The following PCDH7 variants were observed in gnomAD, a reference collection of about 807,000 sequenced individuals.
PCDH7 encodes protocadherin 7, also known as protocadherin-7.
Under a neutral mutation model 58.9 loss-of-function variants are expected in PCDH7, and 17 were observed. That is an observed-to-expected ratio of 0.29 (90% confidence interval 0.20 to 0.43). The LOEUF (loss-of-function observed/expected upper bound fraction) is 0.43, where lower values mean the gene tolerates loss of function less well. Among genes scored for constraint, PCDH7 ranks in the 20% least tolerant of loss-of-function variants. PCDH7 has a pLI of 1.00. For synonymous variants in PCDH7, 664 were observed against 616.4 expected (o/e 1.08, Z -1.14); for missense variants, 1,274 against 1,441.0 (o/e 0.88, Z 1.88).
At chr4:30,954,439 C>G (rs139754031) in intron 3 of PCDH7, among the ~76,000 whole-genome samples, 2 of 152,064 alleles carry the variant, frequency 1.3e-5, no homozygotes, top group Non-Finnish European at 2.9e-5. Context: ...CTGAACATTT[C>G]TTTGTACATT....
intron 3 of PCDH7, among the ~76,000 whole-genome samples, chr4:31,110,989 A>G (rs1716228451): frequency 6.6e-6 from 1 of 152,080 alleles, no homozygotes; most frequent in East Asian, 1.9e-4. Flanking sequence ...AATGTAGGAC[A>G]TTTTGCTACA....
At chr4:30,856,707 A>ATAT (rs1491499066) in intron 1 of PCDH7, among the ~76,000 whole-genome samples, 2 of 142,436 alleles carry the variant, frequency 1.4e-5, no homozygotes, top group Admixed American at 7.0e-5. Context: ...AAAAAAAAAA[A>ATAT]ATATATATAT....
At chr4:31,054,946 A>G (rs759657730) in intron 3 of PCDH7, among the ~76,000 whole-genome samples, 3 of 152,120 alleles carry the variant, frequency 2.0e-5, no homozygotes, top group Non-Finnish European at 2.9e-5. Context: ...ATCCCATTTC[A>G]TGTTATTTAC....
chr4:31,118,637 G>A (rs1364678927), intron 3 of PCDH7, among the ~76,000 whole-genome samples: 1 of 152,104 alleles, frequency 6.6e-6, no homozygotes, highest in Non-Finnish European at 1.5e-5. Flanking sequence ...TCAATTTAAA[G>A]CCATAATTTT....
intron 2 of PCDH7, among the ~76,000 whole-genome samples, chr4:30,927,463 T>C (rs1263036414): frequency 1.3e-5 from 2 of 151,702 alleles, no homozygotes; most frequent in African/African-American, 2.4e-5. Context: ...TTGCTGTGTC[T>C]GTGTAGAAAG....
rs150239634 is a variant in PCDH7 at position 31,026,240 on chromosome 4, A to G, written c.*7+76025A>G. Among the ~76,000 whole-genome samples the G allele has an allele frequency of 2.8e-4, 43 of 152,264 alleles. No homozygotes were observed. The East Asian group carries it at 7.7e-3, about 27-fold the overall frequency. On this transcript the variant is annotated intron_variant, in intron 3 of 3. Coordinates refer to the PCDH7 transcript ENST00000509759. ...AGTTCCTTCCAATTTTAGACATTTT[A>G]TTTGAATTATCTTTCTAAGTACAGT...
intron 1 of PCDH7, among the ~76,000 whole-genome samples, chr4:30,752,981 A>G (rs906727882): frequency 6.6e-6 from 1 of 152,164 alleles, no homozygotes; most frequent in Non-Finnish European, 1.5e-5. Context: ...ACACGGAAGC[A>G]TTTGAACTTG....
In PCDH7 at chr4:30,781,925, G is replaced by A. The variant is rs529477043; in HGVS notation, c.70+57329G>A. The stretch of plus-strand genomic sequence containing the variant: ...GAGTATAGTTCAAACGGCGCTAATG[G>A]CCTTTGTGTGTGTGTATACTCTAAC... On this transcript the variant is annotated intron_variant, in intron 1 of 3. Coordinates refer to the PCDH7 transcript ENST00000509759. Among the ~76,000 whole-genome samples the A allele has an allele frequency of 6.6e-5, 10 of 152,222 alleles. No homozygotes were observed. The East Asian group carries it at 1.9e-3, about 29-fold the overall frequency.
chr4:30,804,176 A>T (rs1466462517), intron 1 of PCDH7, among the ~76,000 whole-genome samples: 1 of 152,184 alleles, frequency 6.6e-6, no homozygotes, highest in African/African-American at 2.4e-5. Context: ...TTAAATGTAA[A>T]TTGGCATGAC....
At chr4:31,003,246 C>T (rs1752498878) in intron 3 of PCDH7, among the ~76,000 whole-genome samples, 1 of 151,900 alleles carries the variant, frequency 6.6e-6, no homozygotes, top group African/African-American at 2.4e-5. Flanking sequence ...TATTCATTGT[C>T]ATTATCTTGA....
At chr4:31,083,495 A>G (rs952121228) in intron 3 of PCDH7, among the ~76,000 whole-genome samples, 2 of 152,172 alleles carry the variant, frequency 1.3e-5, no homozygotes, top group African/African-American at 4.8e-5. Flanking sequence ...CTTGAGATTT[A>G]CAGGTAATAG....
intron 3 of PCDH7, among the ~76,000 whole-genome samples, chr4:31,005,199 T>G (rs1165011148): frequency 6.6e-6 from 1 of 152,168 alleles, no homozygotes; most frequent in African/African-American, 2.4e-5. Context: ...TTATCTGTTG[T>G]TGAGGTTATG....
At chr4:31,006,960 A>G (rs929872336) in intron 3 of PCDH7, among the ~76,000 whole-genome samples, 2 of 152,060 alleles carry the variant, frequency 1.3e-5, no homozygotes, top group Non-Finnish European at 2.9e-5. Flanking sequence ...GATCTATTAC[A>G]TATAGCTATT....
intron 3 of PCDH7, among the ~76,000 whole-genome samples, chr4:30,982,710 T>C (rs1209756037): frequency 6.6e-6 from 1 of 152,192 alleles, no homozygotes; most frequent in Non-Finnish European, 1.5e-5. Flanking sequence ...GTTGATTTTT[T>C]TTCCCAGTTA....
chr4:30,780,562 A>G (rs1722648978), intron 1 of PCDH7, among the ~76,000 whole-genome samples: 1 of 152,168 alleles, frequency 6.6e-6, no homozygotes, highest in Non-Finnish European at 1.5e-5. Flanking sequence ...TATAAAAACA[A>G]TAAAATAAAA....
intron 1 of PCDH7, among the ~76,000 whole-genome samples, chr4:30,728,328 A>G (rs1388616736): frequency 1.3e-5 from 2 of 151,316 alleles, no homozygotes; most frequent in Non-Finnish European, 3.0e-5. Flanking sequence ...GAGAGCATAT[A>G]TATATATTCT....
intron 1 of PCDH7, among the ~76,000 whole-genome samples, chr4:30,813,803 G>A (rs1011676515): frequency 1.3e-5 from 2 of 151,926 alleles, no homozygotes; most frequent in Admixed American, 6.6e-5. Flanking sequence ...CACCACACCC[G>A]GCAAATTTTT....
In PCDH7 at chr4:30,913,105, T is replaced by C. The variant is rs578030932; in HGVS notation, c.71-7048T>C. Among the ~76,000 whole-genome samples, 125 of 151,680 alleles carry C rather than the reference T, an allele frequency of 8.2e-4. 1 individual carries two copies. The highest frequency in any genetic ancestry group is 2.9e-3 in the African/African-American group (119 of 41,506). On this transcript the variant is annotated intron_variant, in intron 1 of 3. Transcript: ENST00000509759. ...ACTTTTGGACAAATATTTTTCCAAA[T>C]AGGTAACACCTGTGAATGTTACACA...
intron 1 of PCDH7, among the ~76,000 whole-genome samples, chr4:30,765,123 T>G (rs992434428): frequency 7.3e-6 from 1 of 137,588 alleles, no homozygotes; most frequent in African/African-American, 2.7e-5. Flanking sequence ...GGACTTCAGA[T>G]GCTTTTTTTT....
Sources: gnomAD v4.1 joint callset for allele counts (sites outside exome capture counted in the v4.1 genomes callset) on GRCh38, gnomAD v4.1.1 for gene constraint, MANE v1.5 for transcripts, NCBI Gene and HGNC (gene_info 2026-07-23, HGNC 2026-07-21) for gene names.